EPN1: variants seen among roughly 807,000 people sequenced by gnomAD.
The protein encoded by EPN1 is epsin-1.
EPN1 carries 25 observed loss-of-function variants against 56.9 expected under a neutral mutation model. The observed-to-expected ratio is 0.44, with a 90% CI of 0.32 to 0.61. The LOEUF (loss-of-function observed/expected upper bound fraction) is 0.61. Among genes scored for constraint, EPN1 ranks in the 20% least tolerant of loss-of-function variants. EPN1 has a pLI of 0.05. For missense variants in EPN1, 785 were observed against 823.7 expected, an observed-to-expected ratio of 0.95 and a Z score of 0.58; for synonymous variants, 411 against 361.8, an observed-to-expected ratio of 1.14 and a Z score of -1.54.
intron 2 of EPN1, among the ~76,000 whole-genome samples, chr19:55,683,905 C>T (rs891643472): frequency 5.9e-5 from 9 of 152,176 alleles, no homozygotes; most frequent in African/African-American, 1.7e-4. Context: ...GCTGTTGGCA[C>T]GACTCTGCCC....
chr19:55,693,084 T>C (rs773222893), intron 9 of EPN1, 47 bp downstream of exon 9: 1 of 1,566,504 alleles, frequency 6.4e-7, no homozygotes, highest in Admixed American at 1.7e-5. Flanking sequence ...GAGCCTCCCC[T>C]AGCTCTTCGG....
Position 55,691,807 on chromosome 19 carries a change from C to T in EPN1, c.816C>T (p.Thr272=). ...TCACGGCCCCAGCTCCTGCCCCGAC[C>T]ACAGACCCCTGGGGGGGCCCAGCAC... ...DVFTAPAPAP[T]TDPWGGPAPM... Residue 272 remains threonine, a synonymous_variant, in exon 7 of 11, where the codon ACC becomes ACT. Coordinates refer to ENST00000270460, the MANE Select transcript of EPN1 (RefSeq NM_001130072.2). The surrounding 1 kb of genome is among the most constrained non-coding windows in gnomAD (Gnocchi z 5.6). 6.2e-7 allele frequency: 1 copy of T among 1,612,588 alleles called. No individual in the cohort carries two copies. The highest frequency in any genetic ancestry group is 2.2e-5 in the East Asian group (1 of 44,842).
rs1243296763 is a variant in EPN1, at chr19:55,689,484, C to T, written c.678+113C>T. The T allele has an allele frequency of 3.8e-6, 3 of 793,854 alleles. No individual in the cohort carries two copies. Among genetic ancestry groups the T allele is most frequent in the East Asian group, 2.7e-5 (1 of 37,318 alleles). The allele number at this position is 793,854 out of a possible 1,614,324, so 49.2% of individuals were successfully genotyped here. A position where few individuals can be genotyped will look rare whatever the true frequency, so the allele number is the denominator to read the frequency against. ...CTGCTGGGCCCGAAGCCCACAGGCT[C>T]ACGCGTGTTGAAACCTCAGTACCTT... On this transcript the variant is annotated intron_variant, in intron 5 of 10. Transcript: ENST00000270460. This position sits in a 1 kb window ranked among gnomAD's most constrained non-coding sequence, Gnocchi z 5.7.
Position 55,700,647 on chromosome 19 carries a change from G to C in EPN1, c.*5291G>C, listed in dbSNP as rs865823135. On this transcript the variant is annotated 3_prime_UTR_variant, in exon 11 of 11. Coordinates refer to ENST00000270460, the MANE Select transcript of EPN1 (RefSeq NM_001130072.2). Reference sequence around the variant, plus strand: ...AACCACCCCTGCAAATGCCTCACTCGTGTTCAGCCATCATTTACATTTGAA... The same window carrying C: ...AACCACCCCTGCAAATGCCTCACTCCTGTTCAGCCATCATTTACATTTGAA... 3.3e-5 allele frequency: 5 copies of C among 152,208 alleles called. No individual in the cohort carries two copies. In the South Asian group the frequency reaches 6.2e-4, roughly 19 times the overall value. 9.4% of individuals were successfully genotyped at this position (152,208 alleles called of 1,614,324 possible).
At chr19:55,690,457 G>A (rs549965749) in intron 6 of EPN1, among the ~76,000 whole-genome samples, 1 of 152,366 alleles carries the variant, frequency 6.6e-6, no homozygotes, top group Non-Finnish European at 1.5e-5. Flanking sequence ...CCACAACCTT[G>A]TGCTTCCAGG....
At position 55,706,590 on chromosome 19, in the gene EPN1, G is replaced by T. The variant is rs1047640384; in HGVS notation, c.*11234G>T. 1 of 151,878 alleles carries T rather than the reference G, an allele frequency of 6.6e-6. No homozygotes were observed. The highest frequency in any genetic ancestry group is 2.4e-5 in the African/African-American group (1 of 41,266). 9.4% of individuals were successfully genotyped at this position (151,878 alleles called of 1,614,324 possible). A position where few individuals can be genotyped will look rare whatever the true frequency, so the allele number is the denominator to read the frequency against. ...TCGCTTGAACCCAGAGGCAGAGGCT[G>T]CAGTGAGCCAAGATTGCAGCATTGC... On this transcript the variant is annotated 3_prime_UTR_variant, in exon 11 of 11. Transcript: ENST00000270460.
In EPN1 at chr19:55,694,368, C is replaced by G. The variant is rs1446856719; in HGVS notation, c.1265-358C>G. ...TCAAGGAGCGTCTGAGGGCAGGCTC[C>G]TCTGAGCCTGGAGGCACCTGTGAAC... On this transcript the variant is annotated intron_variant, in intron 9 of 10. Coordinates refer to ENST00000270460, the MANE Select transcript of EPN1 (RefSeq NM_001130072.2). The surrounding 1 kb of genome is among the most constrained non-coding windows in gnomAD (Gnocchi z 4.2). The G allele has an allele frequency of 4.1e-6, 1 of 243,916 alleles. No homozygotes were observed. The highest frequency in any genetic ancestry group is 7.8e-6 in the Non-Finnish European group (1 of 128,192). The allele number at this position is 243,916 out of a possible 1,614,324, so 15.1% of individuals were successfully genotyped here.
chr19:55,678,376 G>A (rs1000880044), intron 1 of EPN1, 151 bp from the exon 2 acceptor site: 54 of 822,726 alleles, frequency 6.6e-5, no homozygotes, highest in Admixed American at 1.2e-4. Context: ...CCTGTTTGAG[G>A]AACTGAAACA....
In EPN1 at chr19:55,700,598, C is replaced by T. The variant is rs1312500764; in HGVS notation, c.*5242C>T. 6.6e-6 allele frequency: 1 copy of T among 152,192 alleles called. No individual in the cohort carries two copies. Among genetic ancestry groups the T allele is most frequent in the African/African-American group, 2.4e-5 (1 of 41,448 alleles). The allele number at this position is 152,192 out of a possible 1,614,324, so 9.4% of individuals were successfully genotyped here. A position where few individuals can be genotyped will look rare whatever the true frequency, so the allele number is the denominator to read the frequency against. ...TTTCTGAGGGACATCTTGAAGCACA[C>T]AAAACTATAGACAATATTATCATAA... On this transcript the variant is annotated 3_prime_UTR_variant, in exon 11 of 11. Coordinates refer to ENST00000270460, the MANE Select transcript of EPN1 (RefSeq NM_001130072.2).
intron 6 of EPN1, among the ~76,000 whole-genome samples, chr19:55,690,417 C>G (rs1215445615): frequency 6.6e-6 from 1 of 152,262 alleles, no homozygotes; most frequent in East Asian, 1.9e-4. Flanking sequence ...TGTGGCGTCC[C>G]CATGCTCTGC....
At position 55,695,403 on chromosome 19, in the gene EPN1, C is replaced by T. The variant is rs1462822012; in HGVS notation, c.*47C>T. 2 of 1,060,784 alleles carry T rather than the reference C, an allele frequency of 1.9e-6. No homozygotes were observed. Among genetic ancestry groups the T allele is most frequent in the African/African-American group, 3.2e-5 (2 of 63,458 alleles). 65.7% of individuals were successfully genotyped at this position (1,060,784 alleles called of 1,614,324 possible). A position where few individuals can be genotyped will look rare whatever the true frequency, so the allele number is the denominator to read the frequency against. On this transcript the variant is annotated 3_prime_UTR_variant, in exon 11 of 11. Coordinates refer to ENST00000270460, the MANE Select transcript of EPN1 (RefSeq NM_001130072.2). This position sits in a 1 kb window ranked among gnomAD's most constrained non-coding sequence, Gnocchi z 4.4. Reference sequence around the variant, plus strand: ...GCTCCATCCGGCTGCCCCATTCCGGCTCCCTGGGAGATCAGTGTTGTGAGT... The same window carrying T: ...GCTCCATCCGGCTGCCCCATTCCGGTTCCCTGGGAGATCAGTGTTGTGAGT...
At position 55,699,999 on chromosome 19, in the gene EPN1, C is replaced by G. The variant is rs1394412731; in HGVS notation, c.*4643C>G. ...GCAGTGGCTCGATCTCTGCTCACTG[C>G]AAGCTCCGCCTCCTGTGTTCACGCC... On this transcript the variant is annotated 3_prime_UTR_variant, in exon 11 of 11. Transcript: ENST00000270460. 1 of 151,884 alleles carries G rather than the reference C, an allele frequency of 6.6e-6. No individual in the cohort carries two copies. The highest frequency in any genetic ancestry group is 1.5e-5 in the Non-Finnish European group (1 of 68,006). 9.4% of individuals were successfully genotyped at this position (151,884 alleles called of 1,614,324 possible).
chr19:55,679,449 T>C (rs8104242), intron 2 of EPN1, among the ~76,000 whole-genome samples: 24,533 of 152,146 alleles, frequency 0.16, 2,891 homozygotes, highest in African/African-American at 0.32. Flanking sequence ...TCTCCCTCTG[T>C]GAGGGCCCAT....
chr19:55,689,164 C>A lies in EPN1; in HGVS notation c.604-133C>A. 2 of 1,129,716 alleles carry A rather than the reference C, an allele frequency of 1.8e-6. No homozygotes were observed. Among genetic ancestry groups the A allele is most frequent in the South Asian group, 1.5e-5 (1 of 66,658 alleles). The allele number at this position is 1,129,716 out of a possible 1,614,324, so 70.0% of individuals were successfully genotyped here. A position where few individuals can be genotyped will look rare whatever the true frequency, so the allele number is the denominator to read the frequency against. On this transcript the variant is annotated intron_variant, in intron 4 of 10. Transcript: ENST00000270460. This position sits in a 1 kb window ranked among gnomAD's most constrained non-coding sequence, Gnocchi z 5.7. ...CTCACCCCGCCGTCCCTCTGCGTGTCACTCTCTGCCTGTCCCTCACTGGTT... is the reference window on the plus strand; with the variant it reads ...CTCACCCCGCCGTCCCTCTGCGTGTAACTCTCTGCCTGTCCCTCACTGGTT...
intron 3 of EPN1, among the ~76,000 whole-genome samples, chr19:55,687,284 GT>G: frequency 6.6e-6 from 1 of 152,146 alleles, no homozygotes; most frequent in Non-Finnish European, 1.5e-5. Flanking sequence ...GTGGAGGGCT[GT>G]GGCTGGGGAG....
rs1323034565 is a variant in EPN1, at chr19:55,706,280, C to CTTGTTTT, written c.*10926_*10927insGTTTTTT. 1 of 129,302 alleles carries CTTGTTTT rather than the reference C, an allele frequency of 7.7e-6. No individual in the cohort carries two copies. Among genetic ancestry groups the CTTGTTTT allele is most frequent in the Non-Finnish European group, 1.6e-5 (1 of 63,224 alleles). 8.0% of individuals were successfully genotyped at this position (129,302 alleles called of 1,614,324 possible). A position where few individuals can be genotyped will look rare whatever the true frequency, so the allele number is the denominator to read the frequency against. Reference sequence around the variant, plus strand: ...TTTCTTCCTTTCTTCTCTTTTTCTTCTTCTTTTTTTTTTTTTTTTAAAAGA... The same window carrying CTTGTTTT: ...TTTCTTCCTTTCTTCTCTTTTTCTTCTTGTTTTTTCTTTTTTTTTTTTTTTTAAAAGA... On this transcript the variant is annotated 3_prime_UTR_variant, in exon 11 of 11. Coordinates refer to ENST00000270460, the MANE Select transcript of EPN1 (RefSeq NM_001130072.2).
chr19:55,678,642 C>T lies in EPN1; in HGVS notation c.15C>T (p.Ser5=). 11 of 1,612,278 alleles carry T rather than the reference C, an allele frequency of 6.8e-6. No homozygotes were observed. The highest frequency in any genetic ancestry group is 4.5e-5 in the East Asian group (2 of 44,838). MSTS[S]LRRQMKNIVH... ...AGCCGGGCACCATGTCGACCTCGTC[C>T]TTGAGGCGCCAGATGAAGAACATCG... is the stretch of plus-strand genomic sequence containing the variant. The change falls in exon 2 of 11, where the codon TCC becomes TCT. Residue 5 remains serine (S), a synonymous_variant. Transcript: ENST00000270460.
At chr19:55,680,284 G>A (rs1985723909) in intron 2 of EPN1, among the ~76,000 whole-genome samples, 1 of 152,192 alleles carries the variant, frequency 6.6e-6, no homozygotes, top group Non-Finnish European at 1.5e-5. Flanking sequence ...AGGCATAGAA[G>A]GTTTTTGTCA....
intron 9 of EPN1, among the ~76,000 whole-genome samples, chr19:55,693,801 A>G (rs543144596): frequency 2.6e-5 from 4 of 152,086 alleles, no homozygotes; most frequent in Non-Finnish European, 5.9e-5. Flanking sequence ...CCCTCCTCTC[A>G]TTATCTAGGT....
Sources: allele counts gnomAD v4.1 joint callset (sites outside exome capture counted in the v4.1 genomes callset), GRCh38; gene constraint gnomAD v4.1.1; non-coding constraint Gnocchi (gnomAD v3.1); transcripts MANE v1.5; gene names NCBI Gene and HGNC (gene_info 2026-07-23, HGNC 2026-07-21).